Variants in PTPN3 observed in about 807,000 individuals in gnomAD.
The protein encoded by PTPN3 is protein tyrosine phosphatase non-receptor type 3.
Under a neutral mutation model 132.7 loss-of-function variants are expected in PTPN3, and 96 were observed. The observed-to-expected ratio is 0.72, with a 90% confidence interval of 0.61 to 0.86. PTPN3 has a LOEUF of 0.86. Among genes scored for constraint, PTPN3 ranks in the 40% least tolerant of loss-of-function variants. The pLI is 0.00. For missense variants in PTPN3, 1,125 were observed against 1,159.6 expected, an observed-to-expected ratio of 0.97 and a Z score of 0.43; for synonymous variants, 398 against 429.0, an observed-to-expected ratio of 0.93 and a Z score of 0.89.
chr9:109,382,169 CCA>C lies in PTPN3; in HGVS notation c.2528+131_2528+132del, dbSNP rs1044817482. The C allele has an allele frequency of 3.5e-6, 4 of 1,143,900 alleles. No individual in the cohort carries two copies. The African/African-American group carries it at 6.3e-5, about 18-fold the overall frequency. 70.9% of individuals were successfully genotyped at this position (1,143,900 alleles called of 1,614,324 possible). On this transcript the variant is annotated intron_variant, in intron 24 of 25. Coordinates refer to ENST00000374541, the MANE Select transcript of PTPN3 (RefSeq NM_002829.4). The stretch of plus-strand genomic sequence containing the variant: ...AAAAAACTTTTGAAATGGTGAAGAA[CCA>C]CAGTCAACAGAGGTTTGTAAGGGCA...
At chr9:109,488,312 C>G (rs1169377394) in intron 1 of PTPN3, among the ~76,000 whole-genome samples, 2 of 151,880 alleles carry the variant, frequency 1.3e-5, no homozygotes, top group Non-Finnish European at 2.9e-5. Flanking sequence ...GTTGGCCAGT[C>G]TGGTCTCGAA....
intron 10 of PTPN3, among the ~76,000 whole-genome samples, chr9:109,432,173 T>C (rs1174754744): frequency 6.6e-6 from 1 of 151,794 alleles, no homozygotes; most frequent in South Asian, 2.1e-4. Flanking sequence ...TTTCCTGTTA[T>C]AAATAATGCT....
intron 1 of PTPN3, among the ~76,000 whole-genome samples, chr9:109,487,470 C>A (rs1847266477): frequency 6.6e-6 from 1 of 152,224 alleles, no homozygotes; most frequent in African/African-American, 2.4e-5. Context: ...GAAATGCAAA[C>A]CTTCCGGCCT....
In PTPN3 at chr9:109,408,788, A is replaced by ATATATATATAT. The variant is rs1300361920; in HGVS notation, c.1579-412_1579-411insATATATATATA. Among the ~76,000 whole-genome samples, 222 of 52,810 alleles carry ATATATATATAT rather than the reference A, an allele frequency of 4.2e-3. 2 individuals are homozygous for ATATATATATAT. The highest frequency in any genetic ancestry group is 0.013 in the South Asian group (16 of 1,280). The allele number at this position is 52,810 out of a possible 152,430, so 34.6% of individuals were successfully genotyped here. On this transcript the variant is annotated intron_variant, in intron 16 of 25. Transcript: ENST00000374541. The stretch of plus-strand genomic sequence containing the variant: ...CCTAGAACTTATAATAATTAAAAAA[A>ATATATATATAT]AAAAAAAAATATATATATATATATA...
At chr9:109,449,199 G>T in intron 5 of PTPN3, 1 of 1,084,162 alleles carries the variant, frequency 9.2e-7, no homozygotes, top group Non-Finnish European at 1.1e-6. Context: ...TGCCCTTGAG[G>T]ACCAGAACCC....
In PTPN3 at chr9:109,457,410, G is replaced by A. The variant is rs2132031308; in HGVS notation, c.139-11C>T. 6.3e-7 allele frequency: 1 copy of A among 1,594,390 alleles called. No individual in the cohort carries two copies. On this transcript the variant is annotated splice_polypyrimidine_tract_variant and intron_variant, in intron 2 of 25. Transcript: ENST00000374541. ...GCCAGTGTCTTGTTTCTAGAACAAA[G>A]GAAATTATCAAGTGGGAAAAGTCTT...
At chr9:109,412,981 C>T (rs1842195713) in intron 14 of PTPN3, among the ~76,000 whole-genome samples, 1 of 150,468 alleles carries the variant, frequency 6.6e-6, no homozygotes, top group South Asian at 2.1e-4. Context: ...GCCCTGTCGC[C>T]CAGGCTGGAG....
upstream of PTPN3, among the ~76,000 whole-genome samples, chr9:109,502,666 C>T (rs1319027067): frequency 2.6e-5 from 4 of 152,078 alleles, no homozygotes; most frequent in African/African-American, 7.2e-5. Flanking sequence ...TGTGGTGGCA[C>T]CCATGTGTGG....
chr9:109,480,472 CATT>C (rs1846906173), intron 1 of PTPN3, among the ~76,000 whole-genome samples: 1 of 152,182 alleles, frequency 6.6e-6, no homozygotes, highest in Non-Finnish European at 1.5e-5. Flanking sequence ...CCTATTCTCT[CATT>C]CCATAGGTTG....
chr9:109,391,586 C>G, intron 19 of PTPN3, 25 bp from the exon 20 acceptor site: 1 of 1,549,886 alleles, frequency 6.5e-7, no homozygotes, highest in Non-Finnish European at 8.9e-7. Flanking sequence ...GAGAAAAAAG[C>G]AAGCATTGCA....
At chr9:109,488,832 G>T (rs897367388) in intron 1 of PTPN3, among the ~76,000 whole-genome samples, 1 of 152,132 alleles carries the variant, frequency 6.6e-6, no homozygotes, top group South Asian at 2.1e-4. Context: ...CTAGATGCTG[G>T]TTTCCTGCCT....
intron 1 of PTPN3, among the ~76,000 whole-genome samples, chr9:109,485,514 AAAAT>A (rs967234592): frequency 6.6e-6 from 1 of 152,120 alleles, no homozygotes; most frequent in Admixed American, 6.5e-5. Flanking sequence ...TCTCAAGAAA[AAAAT>A]AAATAAATAA....
At position 109,445,243 on chromosome 9, in the gene PTPN3, G is replaced by C. The variant is rs752000585; in HGVS notation, c.463C>G (p.Gln155Glu). 3.7e-6 allele frequency: 6 copies of C among 1,613,150 alleles called. No homozygotes were observed. Among genetic ancestry groups the C allele is most frequent in the African/African-American group, 1.3e-5 (1 of 75,036 alleles). Residue 155 changes from glutamine to glutamate, a missense_variant, in exon 7 of 26, where the codon CAA becomes GAA. Gln to Glu is a conservative substitution (Grantham distance 29). Coordinates refer to ENST00000374541, the MANE Select transcript of PTPN3 (RefSeq NM_002829.4). Reference protein sequence around the residue: ...SAVVLASYAVQSHFGDYNSSI... With the variant: ...SAVVLASYAVESHFGDYNSSI... Reference sequence around the variant, plus strand: ...AAATGCTCCCTTTGTGACTTACATTGTACGGCATAGGACGCTAGAACCACT... The same window carrying C: ...AAATGCTCCCTTTGTGACTTACATTCTACGGCATAGGACGCTAGAACCACT...
chr9:109,495,316 G>A (rs1030061171), intron 1 of PTPN3, among the ~76,000 whole-genome samples: 10 of 152,188 alleles, frequency 6.6e-5, no homozygotes, highest in African/African-American at 2.4e-4. Flanking sequence ...GAGCTCTCCT[G>A]GGAAAAGATG....
intron 14 of PTPN3, among the ~76,000 whole-genome samples, chr9:109,417,131 T>C (rs7852990): frequency 0.038 from 5,732 of 152,302 alleles, 145 homozygotes; most frequent in East Asian, 0.15. Context: ...TGATAGAACC[T>C]TGGGAGCAAC....
chr9:109,396,458 C>T (rs1840609985), intron 19 of PTPN3, among the ~76,000 whole-genome samples: 1 of 152,074 alleles, frequency 6.6e-6, no homozygotes, highest in Admixed American at 6.6e-5. Flanking sequence ...GTGAGGGAGA[C>T]AACAGCTCCT....
At chr9:109,437,623 A>T (rs868166874) in intron 8 of PTPN3, among the ~76,000 whole-genome samples, 12 of 152,204 alleles carry the variant, frequency 7.9e-5, no homozygotes, top group South Asian at 6.2e-4. Flanking sequence ...TGAGGCTCGC[A>T]ACAAATACGC....
chr9:109,460,772 T>C (rs934766877), intron 2 of PTPN3, among the ~76,000 whole-genome samples: 3 of 152,182 alleles, frequency 2.0e-5, no homozygotes, highest in African/African-American at 7.2e-5. Context: ...AAAGCCCGAC[T>C]CAGCACATAT....
At chr9:109,414,152 G>A (rs960148952) in intron 14 of PTPN3, among the ~76,000 whole-genome samples, 4 of 152,212 alleles carry the variant, frequency 2.6e-5, no homozygotes, top group Admixed American at 2.0e-4. Flanking sequence ...CACCCGAGGT[G>A]ATTGGGTGAG....
Sources: gnomAD v4.1 joint callset for allele counts (sites outside exome capture counted in the v4.1 genomes callset) on GRCh38, gnomAD v4.1.1 for gene constraint, MANE v1.5 for transcripts, NCBI Gene and HGNC (gene_info 2026-07-23, HGNC 2026-07-21) for gene names.